Variants in FAM221A observed in about 807,000 individuals in gnomAD.
The protein encoded by FAM221A is family with sequence similarity 221 member A.
A neutral mutation model predicts 37.6 loss-of-function variants in FAM221A; 43 were observed. The ratio of observed to expected loss-of-function variants is 1.15; its 90% CI spans 0.90 to 1.48. FAM221A has a LOEUF of 1.48. Among genes scored for constraint, FAM221A ranks in the 40% most tolerant of loss-of-function variants. FAM221A has a pLI of 0.00. For missense variants in FAM221A, 361 were observed against 361.5 expected (o/e 1.00, Z 0.01); for synonymous variants, 135 against 132.9 (o/e 1.02, Z -0.11).
chr7:23,690,916 T>C (rs1343131563), intron 3 of FAM221A, among the ~76,000 whole-genome samples: 4 of 152,234 alleles, frequency 2.6e-5, no homozygotes, highest in African/African-American at 9.6e-5. Context: ...CATGATGTTT[T>C]CATGATTCAT....
intron 2 of FAM221A, chr7:23,686,438 AT>A (rs569561578): frequency 6.4e-4 from 193 of 302,334 alleles, no homozygotes; most frequent in African/African-American, 3.9e-3. Flanking sequence ...TAATTTTTGT[AT>A]TTTTTTGTAG....
intron 2 of FAM221A, chr7:23,688,784 G>A (rs1397729188): frequency 6.6e-6 from 1 of 152,512 alleles, no homozygotes; most frequent in East Asian, 1.9e-4. Context: ...TTACAGGCAT[G>A]TGCCACAACG....
chr7:23,691,241 A>T, intron 3 of FAM221A, 149 bp from the exon 4 acceptor site: 1 of 644,616 alleles, frequency 1.6e-6, no homozygotes, highest in Non-Finnish European at 2.7e-6. Flanking sequence ...AGAAGTAAGA[A>T]CAGTGGCTAG....
chr7:23,699,940 T>G (rs566944827), intron 5 of FAM221A, among the ~76,000 whole-genome samples: 1 of 152,332 alleles, frequency 6.6e-6, no homozygotes, highest in East Asian at 1.9e-4. Flanking sequence ...TGGAAGAGGC[T>G]GGGCTCAAAT....
chr7:23,685,797 T>C (rs185668693), intron 2 of FAM221A, among the ~76,000 whole-genome samples: 1 of 152,350 alleles, frequency 6.6e-6, no homozygotes, highest in East Asian at 1.9e-4. Context: ...GCTGTGTGTA[T>C]GCTCTACTTT....
intron 4 of FAM221A, among the ~76,000 whole-genome samples, chr7:23,695,491 G>A (rs934335160): frequency 6.6e-6 from 1 of 152,034 alleles, no homozygotes; most frequent in African/African-American, 2.4e-5. Flanking sequence ...TCCTGCCTCA[G>A]CCTCCTGAGT....
At chr7:23,702,012 T>A in intron 6 of FAM221A, 84 bp from the exon 7 acceptor site, 1 of 819,378 alleles carries the variant, frequency 1.2e-6, no homozygotes, top group Non-Finnish European at 1.9e-6. Context: ...GGCTGTGACA[T>A]GAATCTGAAT....
At chr7:23,694,607 A>G (rs1480776317) in intron 4 of FAM221A, 2 of 152,122 alleles carry the variant, frequency 1.3e-5, no homozygotes, top group East Asian at 3.9e-4. Context: ...CCTCACAACA[A>G]CTCTGTGAGT....
Position 23,681,127 on chromosome 7 carries a change from C to T in FAM221A, c.65+844C>T, listed in dbSNP as rs190100076. Among the ~76,000 whole-genome samples the T allele has an allele frequency of 3.0e-3, 453 of 152,292 alleles. 2 individuals carry two copies. Among genetic ancestry groups the T allele is most frequent in the Non-Finnish European group, 5.1e-3 (350 of 68,022 alleles). On this transcript the variant is annotated intron_variant, in intron 1 of 6. Coordinates refer to ENST00000344962, the MANE Select transcript of FAM221A (RefSeq NM_199136.5). ...GTGTAGTTTTGGGTAACCCTTAGAA[C>T]TGCCTGGATATTCTGAGCCAGAAGA... is the stretch of plus-strand genomic sequence containing the variant.
rs1175330292 is a variant in FAM221A, at chr7:23,690,170, C to CATATATAT, written c.430+734_430+741dup. On this transcript the variant is annotated intron_variant, in intron 3 of 6. Coordinates refer to ENST00000344962, the MANE Select transcript of FAM221A (RefSeq NM_199136.5). ...ACTGATTTATTTATATGCCTTGGTTCATATATATATATATATATATATATA... is the reference window on the plus strand; with the variant it reads ...ACTGATTTATTTATATGCCTTGGTTCATATATATATATATATATATATATATATATATA... 4.0e-3 allele frequency among the ~76,000 whole-genome samples: 274 copies of CATATATAT among 68,540 alleles called. 3 individuals are homozygous for CATATATAT. Among genetic ancestry groups the CATATATAT allele is most frequent in the South Asian group, 8.4e-3 (9 of 1,070 alleles). 45.0% of individuals were successfully genotyped at this position (68,540 alleles called of 152,430 possible).
intron 1 of FAM221A, among the ~76,000 whole-genome samples, chr7:23,682,433 ATTATTAT>A (rs1784102596): frequency 1.5e-5 from 1 of 67,304 alleles, no homozygotes; most frequent in African/African-American, 4.8e-5. Context: ...TATTATTATT[ATTATTAT>A]TTTTTTTTTT....
Position 23,702,365 on chromosome 7 carries a change from G to A in FAM221A, c.*201G>A. ...AAACTCATAATTTACTACTTTGTAT[G>A]TACCTTTCTTTCTCCTGACAAATGA... On this transcript the variant is annotated 3_prime_UTR_variant, in exon 7 of 7. Transcript: ENST00000344962. 1 of 346,138 alleles carries A rather than the reference G, an allele frequency of 2.9e-6. No homozygotes were observed. Among genetic ancestry groups the A allele is most frequent in the Non-Finnish European group, 5.3e-6 (1 of 188,068 alleles). 21.4% of individuals were successfully genotyped at this position (346,138 alleles called of 1,614,324 possible).
intron 1 of FAM221A, among the ~76,000 whole-genome samples, chr7:23,682,435 TA>T (rs1200213192): frequency 0.11 from 8,805 of 77,100 alleles, 353 homozygotes; most frequent in Admixed American, 0.15. Context: ...TTATTATTAT[TA>T]TTATTTTTTT....
chr7:23,703,107 C>T (rs1785548561), downstream of FAM221A: 3 of 152,202 alleles, frequency 2.0e-5, no homozygotes, highest in Non-Finnish European at 4.4e-5. Flanking sequence ...TCAGAAAGTC[C>T]TATCGTTGAG....
At chr7:23,697,004 C>T (rs4722252) in intron 4 of FAM221A, among the ~76,000 whole-genome samples, 1 of 152,052 alleles carries the variant, frequency 6.6e-6, no homozygotes, top group African/African-American at 2.4e-5. Context: ...TCCCTAAGCT[C>T]GGGGACTCAA....
chr7:23,681,038 C>T (rs1272957405), intron 1 of FAM221A, among the ~76,000 whole-genome samples: 1 of 152,198 alleles, frequency 6.6e-6, no homozygotes, highest in Non-Finnish European at 1.5e-5. Context: ...CCCAGATGAC[C>T]CAGAGGTGTG....
At chr7:23,692,708 T>A (rs1784824060) in intron 4 of FAM221A, 2 of 983,614 alleles carry the variant, frequency 2.0e-6, no homozygotes, top group Non-Finnish European at 2.4e-6. Context: ...AGAAAGAAAT[T>A]AAGTGCAAAA....
chr7:23,691,586 C>T lies in FAM221A; in HGVS notation c.627C>T (p.Asp209=). 2 of 1,613,888 alleles carry T rather than the reference C, an allele frequency of 1.2e-6. No individual in the cohort carries two copies. The highest frequency in any genetic ancestry group is 1.7e-6 in the Non-Finnish European group (2 of 1,179,858). The change falls in exon 4 of 7, where the codon GAC becomes GAT. Residue 209 remains aspartate, a synonymous_variant. Transcript: ENST00000344962. ...SLAEGYMRLD[D]SGIGVPSVEF... Reference sequence around the variant, plus strand: ...CGGAAGGCTACATGCGGTTAGATGACAGTGGGATTGGTAAGTGATACTATA... The same window carrying T: ...CGGAAGGCTACATGCGGTTAGATGATAGTGGGATTGGTAAGTGATACTATA...
At position 23,689,349 on chromosome 7, in the gene FAM221A, A is replaced by T; in HGVS notation, c.320A>T (p.Gln107Leu). The T allele has an allele frequency of 1.2e-6, 2 of 1,604,424 alleles. No individual in the cohort carries two copies. Among genetic ancestry groups the T allele is most frequent in the Non-Finnish European group, 1.7e-6 (2 of 1,172,480 alleles). Residue 107 changes from glutamine (Q) to leucine (L), a missense_variant, in exon 3 of 7, where the codon CAG becomes CTG. Gln to Leu is a moderately radical substitution (Grantham distance 113, BLOSUM62 -2). Transcript: ENST00000344962. The part of the protein sequence containing the change: ...IDLPCQVTGC[Q>L]CRAYLYVPLN... ...CTGCCCTGCCAAGTGACTGGCTGCC[A>T]GTGCAGGGCTTACCTTTATGTCCCC...
Sources: allele counts gnomAD v4.1 joint callset (sites outside exome capture counted in the v4.1 genomes callset), GRCh38; gene constraint gnomAD v4.1.1; transcripts MANE v1.5; gene names NCBI Gene and HGNC (gene_info 2026-07-23, HGNC 2026-07-21).